Variants in CNOT6L observed in about 807,000 individuals in gnomAD.
CNOT6L encodes CCR4-NOT transcription complex subunit 6 like.
In CNOT6L, 7 loss-of-function variants were observed where a neutral mutation model predicts 64.0. That is an observed-to-expected ratio of 0.11 (90% CI 0.06 to 0.21). The LOEUF (loss-of-function observed/expected upper bound fraction) is 0.21, where lower values mean the gene tolerates loss of function less well. CNOT6L is among the 10% of genes least tolerant of loss of function. The probability of loss-of-function intolerance (pLI) is 1.00; values close to 1 mark genes in which losing one functional copy is unlikely to be tolerated. For synonymous variants in CNOT6L, 193 were observed against 243.4 expected (o/e 0.79, Z 1.93); for missense variants, 245 against 669.0 (o/e 0.37, Z 6.99).
chr4:77,778,268 CA>C (rs1474807724), intron 1 of CNOT6L, among the ~76,000 whole-genome samples: 1 of 151,954 alleles, frequency 6.6e-6, no homozygotes, highest in African/African-American at 2.4e-5. Flanking sequence ...AAAGAGTCTA[CA>C]AAAAAATACA....
At chr4:77,741,662 C>T (rs1294958949) in intron 8 of CNOT6L, among the ~76,000 whole-genome samples, 1 of 152,122 alleles carries the variant, frequency 6.6e-6, no homozygotes, top group Non-Finnish European at 1.5e-5. Flanking sequence ...TATGTCTTGA[C>T]TATCTTTGTG....
rs756899988 is a variant in CNOT6L at position 77,720,388 on chromosome 4, G to A, written c.*43C>T. On this transcript the variant is annotated 3_prime_UTR_variant, in exon 12 of 12. Transcript: ENST00000504123. ...ACATACTTTGATTTACAACTGTACA[G>A]GTCCATAGCAACAGATCCCCGTCTT... The A allele has an allele frequency of 3.1e-6, 5 of 1,601,206 alleles. No individual in the cohort carries two copies. Among genetic ancestry groups the A allele is most frequent in the Middle Eastern group, 1.7e-4 (1 of 6,020 alleles).
At position 77,720,732 on chromosome 4, in the gene CNOT6L, C is replaced by T. The variant is rs568103185; in HGVS notation, c.1456-89G>A. On this transcript the variant is annotated intron_variant, in intron 11 of 11. Transcript: ENST00000504123. Reference sequence around the variant, plus strand: ...TTTATAAAAACCAAAAAACTGACTACCCTTTCTTCTGGTACCTGTTGTCTT... The same window carrying T: ...TTTATAAAAACCAAAAAACTGACTATCCTTTCTTCTGGTACCTGTTGTCTT... 6.6e-5 allele frequency: 85 copies of T among 1,282,270 alleles called. No individual in the cohort carries two copies. In the African/African-American group the frequency reaches 1.1e-3, roughly 17 times the overall value. 79.4% of individuals were successfully genotyped at this position (1,282,270 alleles called of 1,614,324 possible).
chr4:77,769,138 A>C (rs1727247414), intron 4 of CNOT6L, among the ~76,000 whole-genome samples: 1 of 152,220 alleles, frequency 6.6e-6, no homozygotes, highest in Non-Finnish European at 1.5e-5. Context: ...AATCATAAAA[A>C]CATAAGGCTG....
intron 4 of CNOT6L, among the ~76,000 whole-genome samples, chr4:77,760,286 G>T (rs1051434465): frequency 1.3e-5 from 2 of 152,006 alleles, no homozygotes; most frequent in African/African-American, 4.8e-5. Flanking sequence ...TGAACAGGAG[G>T]ATTGCTTGGG....
At chr4:77,778,880 T>TA (rs985463180) in intron 1 of CNOT6L, among the ~76,000 whole-genome samples, 16 of 149,912 alleles carry the variant, frequency 1.1e-4, no homozygotes, top group East Asian at 2.0e-4. Context: ...CCGTCTCTAC[T>TA]AAAAAAAATA....
At chr4:77,813,312 G>A (rs1254111006) in intron 1 of CNOT6L, among the ~76,000 whole-genome samples, 2 of 103,572 alleles carry the variant, frequency 1.9e-5, no homozygotes, top group African/African-American at 6.3e-5. Context: ...AAATAGATTA[G>A]ATATAGATTA....
At position 77,714,127 on chromosome 4, in the gene CNOT6L, TTTA is replaced by T. The variant is rs1168614155; in HGVS notation, c.*6301_*6303del. 3 of 152,518 alleles carry T rather than the reference TTTA, an allele frequency of 2.0e-5. No individual in the cohort carries two copies. The highest frequency in any genetic ancestry group is 7.3e-5 in the African/African-American group (3 of 41,378). The allele number at this position is 152,518 out of a possible 1,614,324, so 9.4% of individuals were successfully genotyped here. On this transcript the variant is annotated 3_prime_UTR_variant, in exon 12 of 12. Transcript: ENST00000504123. ...AAGTTACTAAAACACCTTGCTTGGT[TTTA>T]CAGTCATGTGCTTTGCTTTGCAACC...
intron 11 of CNOT6L, among the ~76,000 whole-genome samples, chr4:77,722,581 G>A (rs1470373283): frequency 6.6e-6 from 1 of 152,110 alleles, no homozygotes; most frequent in African/African-American, 2.4e-5. Context: ...TTAGAGTGCC[G>A]TCATGCACAT....
intron 8 of CNOT6L, among the ~76,000 whole-genome samples, chr4:77,738,180 C>T (rs1260560383): frequency 1.3e-5 from 2 of 152,094 alleles, no homozygotes; most frequent in African/African-American, 4.8e-5. Flanking sequence ...CCTAAGTTCC[C>T]AATCCTATGA....
chr4:77,742,328 CAG>C, intron 7 of CNOT6L, 33 bp from the exon 8 acceptor site: 1 of 1,576,782 alleles, frequency 6.3e-7, no homozygotes, highest in East Asian at 2.3e-5. Flanking sequence ...ATCTATATGA[CAG>C]AGGGAAAATG....
intron 4 of CNOT6L, 120 bp from the exon 5 acceptor site, chr4:77,757,071 A>G (rs1159853141): frequency 1.9e-6 from 1 of 522,940 alleles, no homozygotes; most frequent in East Asian, 3.0e-5. Context: ...GAATTCTACT[A>G]TATTTAATCT....
intron 1 of CNOT6L, among the ~76,000 whole-genome samples, chr4:77,812,541 T>C (rs1202711745): frequency 1.3e-5 from 2 of 151,490 alleles, no homozygotes; most frequent in African/African-American, 4.9e-5. Context: ...GCACTTGTCA[T>C]GCAAAAACCC....
At position 77,776,309 on chromosome 4, in the gene CNOT6L, T is replaced by G. The variant is rs374825625; in HGVS notation, c.89A>C (p.Asn30Thr). ...TTCTGCCCAGTGAGATTTTTTCCCATTGGCTACCTCCTCTGCTGACATGAT... is the reference window on the plus strand; with the variant it reads ...TTCTGCCCAGTGAGATTTTTTCCCAGTGGCTACCTCCTCTGCTGACATGAT... ...YTIMSAEEVA[N>T]GKKSHWAELE... The change falls in exon 2 of 12, where the codon AAT (asparagine) becomes ACT (threonine). Residue 30 changes from asparagine (N) to threonine (T), a missense_variant. Asn to Thr is a moderately conservative substitution (Grantham distance 65, BLOSUM62 0). Transcript: ENST00000504123. 1.9e-6 allele frequency: 3 copies of G among 1,611,854 alleles called. No homozygotes were observed. In the East Asian group the frequency reaches 6.7e-5, roughly 36 times the overall value.
intron 1 of CNOT6L, among the ~76,000 whole-genome samples, chr4:77,793,958 CTGG>C (rs1329027114): frequency 6.6e-6 from 1 of 151,592 alleles, no homozygotes; most frequent in Non-Finnish European, 1.5e-5. Context: ...CGAGACCAGC[CTGG>C]CCAACATAGT....
intron 4 of CNOT6L, among the ~76,000 whole-genome samples, chr4:77,761,980 T>A (rs919848556): frequency 1.3e-5 from 2 of 152,102 alleles, no homozygotes; most frequent in African/African-American, 4.8e-5. Context: ...CCATTTGCAA[T>A]AGCATAAAAA....
chr4:77,789,298 C>A (rs1729816079), intron 1 of CNOT6L, among the ~76,000 whole-genome samples: 1 of 152,028 alleles, frequency 6.6e-6, no homozygotes, highest in South Asian at 2.1e-4. Flanking sequence ...ACAGCTCCCC[C>A]CACGCTCCCC....
At chr4:77,795,025 T>C (rs1473812972) in intron 1 of CNOT6L, among the ~76,000 whole-genome samples, 2 of 150,088 alleles carry the variant, frequency 1.3e-5, no homozygotes, top group African/African-American at 2.4e-5. Context: ...ATTTTTCTTT[T>C]TTTTTTTTTT....
rs544681236 is a variant in CNOT6L at position 77,819,356 on chromosome 4, G to C, written c.-48C>G. ...AACAGCAGCCATTTCCCCGCGGCAG[G>C]GGAAACACACACACAAACACGCGCG... On this transcript the variant is annotated 5_prime_UTR_variant, in exon 1 of 12. Coordinates refer to ENST00000504123, the MANE Select transcript of CNOT6L (RefSeq NM_144571.3). 6.2e-7 allele frequency: 1 copy of C among 1,612,572 alleles called. No individual in the cohort carries two copies. Among genetic ancestry groups the C allele is most frequent in the Non-Finnish European group, 8.5e-7 (1 of 1,179,308 alleles).
Sources: allele counts gnomAD v4.1 joint callset (sites outside exome capture counted in the v4.1 genomes callset), GRCh38; gene constraint gnomAD v4.1.1; transcripts MANE v1.5; gene names NCBI Gene and HGNC (gene_info 2026-07-23, HGNC 2026-07-21).